ADAMTS3: variants seen among roughly 807,000 people sequenced by gnomAD.
The protein encoded by ADAMTS3 is A disintegrin and metalloproteinase with thrombospondin motifs 3.
In ADAMTS3, 73 loss-of-function variants were observed where a neutral mutation model predicts 129.0. The ratio of observed to expected loss-of-function variants is 0.57; its 90% CI spans 0.47 to 0.69. The LOEUF (loss-of-function observed/expected upper bound fraction) is 0.69, where lower values mean the gene tolerates loss of function less well. Ranked by LOEUF, ADAMTS3 falls within the 30% of genes least tolerant of loss-of-function variation. The pLI is 0.00. For missense variants in ADAMTS3, 1,457 were observed against 1,514.5 expected, an observed-to-expected ratio of 0.96 and a Z score of 0.63; for synonymous variants, 477 against 510.8, an observed-to-expected ratio of 0.93 and a Z score of 0.89.
At chr4:72,372,301 A>T (rs1721029226) in intron 4 of ADAMTS3, among the ~76,000 whole-genome samples, 1 of 152,134 alleles carries the variant, frequency 6.6e-6, no homozygotes, top group Non-Finnish European at 1.5e-5. Context: ...GCAAAAATTG[A>T]ATCTGTGGGA....
intron 3 of ADAMTS3, among the ~76,000 whole-genome samples, chr4:72,491,493 A>C (rs1315735240): frequency 6.6e-6 from 1 of 151,730 alleles, no homozygotes; most frequent in Non-Finnish European, 1.5e-5. Context: ...TTTTGTTAAG[A>C]GTTTTTATCA....
rs114856785 is a variant in ADAMTS3 at position 72,551,902 on chromosome 4, C to A, written c.98-3018G>T. Among the ~76,000 whole-genome samples, 336 of 152,246 alleles carry A rather than the reference C, an allele frequency of 2.2e-3. 2 individuals are homozygous for A. Among genetic ancestry groups the A allele is most frequent in the African/African-American group, 7.9e-3 (330 of 41,546 alleles). On this transcript the variant is annotated intron_variant, in intron 2 of 21. Coordinates refer to ENST00000286657, the MANE Select transcript of ADAMTS3 (RefSeq NM_014243.3). ...TCTGATTTATAAAAGAGAACTACCA[C>A]AAGAATTACAATGTTCTACCTACCT...
In ADAMTS3 at chr4:72,299,053, CTGTGTGTGTGTGTGTGTGTGTG is replaced by C. The variant is rs60439058; in HGVS notation, c.2425-633_2425-612del. Among the ~76,000 whole-genome samples, 95 of 138,146 alleles carry C rather than the reference CTGTGTGTGTGTGTGTGTGTGTG, an allele frequency of 6.9e-4. 3 individuals carry two copies. In the South Asian group the frequency reaches 0.021, roughly 30 times the overall value. 90.6% of individuals were successfully genotyped at this position (138,146 alleles called of 152,430 possible). A position where few individuals can be genotyped will look rare whatever the true frequency, so the allele number is the denominator to read the frequency against. The stretch of plus-strand genomic sequence containing the variant: ...GATAGTCCCTCAAGATATTTGCATT[CTGTGTGTGTGTGTGTGTGTGTG>C]TGTGTGTGTGTGTGTGTGTGTGTGT... On this transcript the variant is annotated intron_variant, in intron 17 of 21. Transcript: ENST00000286657.
intron 3 of ADAMTS3, among the ~76,000 whole-genome samples, chr4:72,434,927 T>G (rs956874777): frequency 6.6e-6 from 1 of 151,844 alleles, no homozygotes; most frequent in Non-Finnish European, 1.5e-5. Flanking sequence ...GGTTTCTAGC[T>G]GACATCTAAC....
chr4:72,427,476 C>T (rs1160719960), intron 3 of ADAMTS3, among the ~76,000 whole-genome samples: 1 of 151,980 alleles, frequency 6.6e-6, no homozygotes, highest in African/African-American at 2.4e-5. Context: ...CTCTCTGTTC[C>T]ATGCAAAATG....
intron 12 of ADAMTS3, 27 bp from the exon 13 acceptor site, chr4:72,312,493 GC>G: frequency 6.2e-7 from 1 of 1,609,974 alleles, no homozygotes; most frequent in Non-Finnish European, 8.5e-7. Flanking sequence ...ATTTAAAAAG[GC>G]CTTTTGGCTT....
chr4:72,487,582 C>A (rs139649446), intron 3 of ADAMTS3, among the ~76,000 whole-genome samples: 1 of 152,224 alleles, frequency 6.6e-6, no homozygotes, highest in East Asian at 1.9e-4. Flanking sequence ...CCAGATTTAC[C>A]ATGAGCATGC....
At chr4:72,438,815 A>G (rs569953554) in intron 3 of ADAMTS3, among the ~76,000 whole-genome samples, 11 of 151,746 alleles carry the variant, frequency 7.2e-5, no homozygotes, top group Non-Finnish European at 1.6e-4. Context: ...GCAAACCAGG[A>G]CAACTGGTCG....
At chr4:72,349,533 C>T (rs952137145) in intron 4 of ADAMTS3, among the ~76,000 whole-genome samples, 3 of 152,004 alleles carry the variant, frequency 2.0e-5, no homozygotes, top group African/African-American at 2.4e-5. Flanking sequence ...AGTCTGGAGA[C>T]ATTGGCAGTT....
In ADAMTS3 at chr4:72,550,000, G is replaced by GGAA. The variant is rs1167934145; in HGVS notation, c.98-1119_98-1117dup. On this transcript the variant is annotated intron_variant, in intron 2 of 21. Transcript: ENST00000286657. Reference sequence around the variant, plus strand: ...AAGAAGAAGAAGAAGAAGAGGAAGAGGAAGAAGAAGAAGAAGAAGAAGAAG... The same window carrying GGAA: ...AAGAAGAAGAAGAAGAAGAGGAAGAGGAAGAAGAAGAAGAAGAAGAAGAAGAAG... Among the ~76,000 whole-genome samples the GGAA allele has an allele frequency of 2.9e-3, 28 of 9,760 alleles. 5 individuals carry two copies. Among genetic ancestry groups the GGAA allele is most frequent in the African/African-American group, 0.014 (27 of 1,876 alleles). 6.4% of individuals were successfully genotyped at this position (9,760 alleles called of 152,430 possible). A position where few individuals can be genotyped will look rare whatever the true frequency, so the allele number is the denominator to read the frequency against.
intron 4 of ADAMTS3, among the ~76,000 whole-genome samples, chr4:72,393,315 G>A (rs569453071): frequency 6.6e-6 from 1 of 152,182 alleles, no homozygotes; most frequent in South Asian, 2.1e-4. Flanking sequence ...GTCTGCTGTG[G>A]GATATTATAT....
chr4:72,399,761 A>G (rs1029499091), intron 4 of ADAMTS3, among the ~76,000 whole-genome samples: 3 of 146,044 alleles, frequency 2.1e-5, no homozygotes, highest in South Asian at 2.1e-4. Context: ...ATATGTGTGT[A>G]TATATATACA....
chr4:72,291,919 T>A (rs1449174755), intron 19 of ADAMTS3, among the ~76,000 whole-genome samples: 1 of 152,196 alleles, frequency 6.6e-6, no homozygotes. Flanking sequence ...AAACTTTTAA[T>A]GCCCTATTTT....
intron 4 of ADAMTS3, among the ~76,000 whole-genome samples, chr4:72,346,706 T>C (rs1303508308): frequency 1.3e-5 from 2 of 152,108 alleles, no homozygotes; most frequent in East Asian, 1.9e-4. Context: ...ACATATTTAA[T>C]ACTAAAAACC....
intron 4 of ADAMTS3, among the ~76,000 whole-genome samples, chr4:72,411,574 C>G (rs187197351): frequency 7.2e-5 from 11 of 152,124 alleles, no homozygotes; most frequent in Admixed American, 6.6e-4. Flanking sequence ...CACTCTCAAG[C>G]TAATCTCTAC....
intron 5 of ADAMTS3, chr4:72,323,329 C>T (rs2109811964): frequency 6.1e-6 from 3 of 495,534 alleles, no homozygotes; most frequent in East Asian, 3.3e-5. Context: ...ACAGGACATG[C>T]TCAAAAGGGC....
At position 72,339,349 on chromosome 4, in the gene ADAMTS3, G is replaced by A. The variant is rs1560478451; in HGVS notation, c.861+145C>T. Reference sequence around the variant, plus strand: ...TTTAGCATTCCTGTACTTTAAATATGTAGATCAATAATTTAAATTTAATGC... The same window carrying A: ...TTTAGCATTCCTGTACTTTAAATATATAGATCAATAATTTAAATTTAATGC... On this transcript the variant is annotated intron_variant, in intron 5 of 21. Coordinates refer to ENST00000286657, the MANE Select transcript of ADAMTS3 (RefSeq NM_014243.3). 15 of 739,716 alleles carry A rather than the reference G, an allele frequency of 2.0e-5. No individual in the cohort carries two copies. In the East Asian group the frequency reaches 3.5e-4, roughly 17 times the overall value. The allele number at this position is 739,716 out of a possible 1,614,324, so 45.8% of individuals were successfully genotyped here.
At chr4:72,390,990 C>A (rs773783021) in intron 4 of ADAMTS3, among the ~76,000 whole-genome samples, 5 of 151,654 alleles carry the variant, frequency 3.3e-5, no homozygotes, top group Non-Finnish European at 5.9e-5. Context: ...AGCTAACAAC[C>A]CTAGATAATT....
chr4:72,466,360 A>G (rs1372582121), intron 3 of ADAMTS3, among the ~76,000 whole-genome samples: 2 of 152,060 alleles, frequency 1.3e-5, no homozygotes, highest in Admixed American at 1.3e-4. Context: ...TTGAATGGCA[A>G]GAAAGACCAC....
Sources: gnomAD v4.1 joint callset for allele counts (sites outside exome capture counted in the v4.1 genomes callset) on GRCh38, gnomAD v4.1.1 for gene constraint, MANE v1.5 for transcripts, NCBI Gene and HGNC (gene_info 2026-07-23, HGNC 2026-07-21) for gene names.